Variants in STK33 observed in about 807,000 individuals in gnomAD.
STK33 encodes serine/threonine kinase 33.
In STK33, 52 loss-of-function variants were observed where a neutral mutation model predicts 58.0. The observed-to-expected ratio is 0.90, with a 90% confidence interval of 0.72 to 1.13. STK33 has a LOEUF of 1.13. Ranked by LOEUF, STK33 falls within the 50% of genes most tolerant of loss-of-function variation. The pLI is 0.00. For missense variants in STK33, 630 were observed against 604.2 expected, an observed-to-expected ratio of 1.04 and a Z score of -0.45; for synonymous variants, 215 against 200.1, an observed-to-expected ratio of 1.07 and a Z score of -0.63.
chr11:8,420,983 A>G (rs993608520), intron 14 of STK33, among the ~76,000 whole-genome samples: 2 of 145,854 alleles, frequency 1.4e-5, no homozygotes, highest in South Asian at 2.2e-4. Context: ...GCCCTGTCTG[A>G]AAAAAAAAAA....
chr11:8,567,590 A>G lies in STK33; in HGVS notation c.-466+26493T>C, dbSNP rs139211300. 3.1e-3 allele frequency among the ~76,000 whole-genome samples: 469 copies of G among 152,354 alleles called. 4 individuals carry two copies. The highest frequency in any genetic ancestry group is 0.011 in the African/African-American group (452 of 41,594). ...TCCCATTTCCCAAAATATATGAGCTATGCCTATATAAACAGAGGAACGGGG... is the reference window on the plus strand; with the variant it reads ...TCCCATTTCCCAAAATATATGAGCTGTGCCTATATAAACAGAGGAACGGGG... On this transcript the variant is annotated intron_variant, in intron 1 of 15. Coordinates refer to ENST00000687296, the MANE Select transcript of STK33 (RefSeq NM_001352389.2).
At chr11:8,449,061 T>C (rs990651268) in intron 11 of STK33, among the ~76,000 whole-genome samples, 2 of 151,536 alleles carry the variant, frequency 1.3e-5, no homozygotes, top group African/African-American at 4.9e-5. Flanking sequence ...ATCAGAGAAA[T>C]GCAAATCAAA....
the STK33 span, among the ~76,000 whole-genome samples, chr11:8,337,602 T>TGCA: frequency 1.6e-5 from 2 of 122,036 alleles, no homozygotes; most frequent in Non-Finnish European, 3.2e-5. Flanking sequence ...CGAGGCAGCC[T>TGCA]GCAGCGTGGG....
intron 1 of STK33, among the ~76,000 whole-genome samples, chr11:8,505,271 G>A (rs1010850099): frequency 4.6e-5 from 7 of 152,234 alleles, no homozygotes; most frequent in Admixed American, 2.0e-4. Context: ...ATGAAGCCAC[G>A]CAGTCTGTTA....
chr11:8,430,434 C>T (rs376965962), intron 14 of STK33, among the ~76,000 whole-genome samples: 24 of 152,078 alleles, frequency 1.6e-4, no homozygotes, highest in East Asian at 9.7e-4. Context: ...CTGGGCCACA[C>T]TGGAAGAAGA....
At chr11:8,446,226 C>A (rs1005588178) in intron 11 of STK33, among the ~76,000 whole-genome samples, 4 of 151,784 alleles carry the variant, frequency 2.6e-5, no homozygotes, top group Admixed American at 6.6e-5. Flanking sequence ...GTGCTGATAT[C>A]CTCTTTACCA....
the STK33 span, among the ~76,000 whole-genome samples, chr11:8,381,273 A>G: frequency 6.6e-6 from 1 of 152,192 alleles, no homozygotes; most frequent in Non-Finnish European, 1.5e-5. Flanking sequence ...AAAAAAAATT[A>G]AGAAAACACA....
intron 15 of STK33, among the ~76,000 whole-genome samples, chr11:8,408,463 G>A (rs1202550849): frequency 1.3e-5 from 2 of 152,166 alleles, no homozygotes; most frequent in Non-Finnish European, 2.9e-5. Flanking sequence ...GCTCTTGTGT[G>A]GGAGTAGAAG....
intron 1 of STK33, among the ~76,000 whole-genome samples, chr11:8,550,362 G>T (rs185822448): frequency 1.3e-5 from 2 of 152,044 alleles, no homozygotes; most frequent in Admixed American, 1.3e-4. Flanking sequence ...GGCCAGGCTG[G>T]TCTCAAACTC....
chr11:8,379,216 C>G, the STK33 span, among the ~76,000 whole-genome samples: 2 of 152,086 alleles, frequency 1.3e-5, no homozygotes, highest in African/African-American at 4.8e-5. Flanking sequence ...AGGAAAAACT[C>G]TCCTGCACAT....
intron 12 of STK33, 124 bp from the exon 13 acceptor site, chr11:8,436,263 T>C (rs1564956963): frequency 2.0e-6 from 1 of 499,350 alleles, no homozygotes; most frequent in Non-Finnish European, 3.4e-6. Flanking sequence ...TGGGAAGAGA[T>C]GGGTACCTCC....
chr11:8,584,397 T>G (rs1322480565), intron 1 of STK33, among the ~76,000 whole-genome samples: 2 of 152,182 alleles, frequency 1.3e-5, no homozygotes, highest in African/African-American at 2.4e-5. Flanking sequence ...CTTGAGAGAA[T>G]GAATACTGTT....
At chr11:8,485,622 G>C (rs1375183868) in intron 1 of STK33, among the ~76,000 whole-genome samples, 1 of 152,162 alleles carries the variant, frequency 6.6e-6, no homozygotes, top group Non-Finnish European at 1.5e-5. Flanking sequence ...AAAAGAAAAA[G>C]TTGACTATAA....
At chr11:8,488,271 A>G (rs1227923686) in intron 1 of STK33, among the ~76,000 whole-genome samples, 1 of 152,182 alleles carries the variant, frequency 6.6e-6, no homozygotes, top group East Asian at 1.9e-4. Context: ...TAACACTTGG[A>G]GCAACAACAG....
intron 1 of STK33, among the ~76,000 whole-genome samples, chr11:8,576,760 A>G (rs899116723): frequency 2.6e-5 from 4 of 152,224 alleles, no homozygotes; most frequent in African/African-American, 9.6e-5. Context: ...ACAAGGCCAC[A>G]CAGCTAATAA....
At chr11:8,373,879 G>T in the STK33 span, among the ~76,000 whole-genome samples, 1 of 152,188 alleles carries the variant, frequency 6.6e-6, no homozygotes, top group African/African-American at 2.4e-5. Flanking sequence ...CAGCTGCAGG[G>T]GGCCCAGAGG....
chr11:8,422,057 A>AT (rs1472747036), intron 14 of STK33, among the ~76,000 whole-genome samples: 1 of 152,166 alleles, frequency 6.6e-6, no homozygotes, highest in Admixed American at 6.5e-5. Context: ...AAGAAAAAAA[A>AT]GCTGACTTTC....
At chr11:8,482,495 T>C (rs967155602) in intron 1 of STK33, among the ~76,000 whole-genome samples, 6 of 152,128 alleles carry the variant, frequency 3.9e-5, no homozygotes, top group Non-Finnish European at 8.8e-5. Flanking sequence ...TATGAAGGCA[T>C]AGGTTTCACT....
intron 1 of STK33, among the ~76,000 whole-genome samples, chr11:8,565,079 T>C (rs1028161597): frequency 6.6e-6 from 1 of 152,132 alleles, no homozygotes; most frequent in African/African-American, 2.4e-5. Flanking sequence ...AGAGGGCATC[T>C]CCGGGAGTGT....
Sources: gnomAD v4.1 joint callset for allele counts (sites outside exome capture counted in the v4.1 genomes callset) on GRCh38, gnomAD v4.1.1 for gene constraint, MANE v1.5 for transcripts, NCBI Gene and HGNC (gene_info 2026-07-23, HGNC 2026-07-21) for gene names.